Variants in PANX1 observed in about 807,000 individuals in gnomAD.
The protein encoded by PANX1 is pannexin 1.
In PANX1, 30 loss-of-function variants were observed where a neutral mutation model predicts 38.7. The observed-to-expected ratio is 0.78, with a 90% confidence interval of 0.58 to 1.05. The LOEUF is 1.05. PANX1 is among the 50% of genes least tolerant of loss of function. PANX1 has a pLI of 0.00. For missense variants in PANX1, 551 were observed against 517.2 expected (o/e 1.07, Z -0.63); for synonymous variants, 230 against 212.2 (o/e 1.08, Z -0.73).
intron 2 of PANX1, among the ~76,000 whole-genome samples, chr11:94,164,085 T>C (rs2093035859): frequency 6.6e-6 from 1 of 152,058 alleles, no homozygotes; most frequent in African/African-American, 2.4e-5. Context: ...TGTCTCCTTT[T>C]TTGTCTCTAA....
intron 1 of PANX1, among the ~76,000 whole-genome samples, chr11:94,148,093 T>C (rs564005736): frequency 3.6e-4 from 55 of 152,332 alleles, no homozygotes; most frequent in South Asian, 2.9e-3. Context: ...TTCCATTTTT[T>C]AGTTTGGGCT....
rs187308377 is a variant in PANX1 at position 94,180,840 on chromosome 11, C to T, written c.1252C>T (p.Arg418Ter). 18 of 1,592,366 alleles carry T rather than the reference C, an allele frequency of 1.1e-5. No homozygotes were observed. The highest frequency in any genetic ancestry group is 1.1e-4 in the African/African-American group (8 of 74,596). The change falls in exon 5 of 5, where the codon CGA (arginine) becomes TGA (stop). Residue 418 changes from arginine (R) to a stop codon, truncating the protein, a stop_gained. Transcript: ENST00000227638. LOFTEE classifies it high-confidence loss of function. ...AGCAAATAATGGAGAGAAGAATGCC[C>T]GACAGAGACTTCTGGATTCTTCTTG... ...TKANNGEKNA[R>*]QRLLDSSC
rs146751433 is a variant in PANX1 at position 94,171,551 on chromosome 11, G to A, written c.322-6818G>A. Among the ~76,000 whole-genome samples, 74 of 151,724 alleles carry A rather than the reference G, an allele frequency of 4.9e-4. 1 individual carries two copies. Among genetic ancestry groups the A allele is most frequent in the African/African-American group, 1.7e-3 (70 of 41,026 alleles). On this transcript the variant is annotated intron_variant, in intron 2 of 4. Transcript: ENST00000227638. ...TAGTTGTGTGTCCTGTTCAGAACCA[G>A]ACTTGGTTCTCCAGGAGCATCCTGA...
Position 94,179,638 on chromosome 11 carries a change from A to C in PANX1, c.582A>C (p.Pro194=). The C allele has an allele frequency of 6.2e-7, 1 of 1,613,626 alleles. No individual in the cohort carries two copies. Among genetic ancestry groups the C allele is most frequent in the Middle Eastern group, 1.7e-4 (1 of 6,056 alleles). Residue 194 remains proline (P), a synonymous_variant, in exon 4 of 5, where the codon CCA becomes CCC. Transcript: ENST00000227638. ...TATCTGAAAGCCACTTCAAGTACCC[A>C]ATTGTGGAGCAGTACTTGAAGACAA... ...WEVSESHFKY[P]IVEQYLKTKK... is the part of the protein sequence containing the mutation.
chr11:94,180,847 G>C lies in PANX1; in HGVS notation c.1259G>C (p.Arg420Thr). Residue 420 changes from arginine to threonine, a missense_variant, in exon 5 of 5, where the codon AGA becomes ACA. By Grantham distance (71) the Arg-to-Thr change is moderately conservative (BLOSUM62 -1). Coordinates refer to ENST00000227638, the MANE Select transcript of PANX1 (RefSeq NM_015368.4). ...ANNGEKNARQRLLDSSC is the reference protein window; with the variant it reads ...ANNGEKNARQTLLDSSC ...AATGGAGAGAAGAATGCCCGACAGA[G>C]ACTTCTGGATTCTTCTTGCTGATGA... 6.3e-7 allele frequency: 1 copy of C among 1,588,686 alleles called. No homozygotes were observed. Among genetic ancestry groups the C allele is most frequent in the South Asian group, 1.1e-5 (1 of 90,538 alleles).
intron 2 of PANX1, among the ~76,000 whole-genome samples, chr11:94,177,532 A>G (rs1452561535): frequency 6.6e-6 from 1 of 152,184 alleles, no homozygotes; most frequent in Non-Finnish European, 1.5e-5. Flanking sequence ...CAAGGCCGCA[A>G]TGCTGAGCTT....
At chr11:94,146,729 C>CAAATGACA (rs1192167802) in intron 1 of PANX1, among the ~76,000 whole-genome samples, 1 of 152,140 alleles carries the variant, frequency 6.6e-6, no homozygotes, top group Non-Finnish European at 1.5e-5. Flanking sequence ...ATTAGGGTCG[C>CAAATGACA]AAATGACAGA....
chr11:94,170,075 A>G (rs947215384), intron 2 of PANX1, among the ~76,000 whole-genome samples: 2 of 151,726 alleles, frequency 1.3e-5, no homozygotes, highest in Non-Finnish European at 2.9e-5. Context: ...ATAACATAAA[A>G]TTTACCTTTC....
chr11:94,170,143 C>T (rs1057432337), intron 2 of PANX1, among the ~76,000 whole-genome samples: 3 of 151,680 alleles, frequency 2.0e-5, no homozygotes, highest in Admixed American at 6.6e-5. Context: ...GCGAAACCAT[C>T]GCCATTACCC....
chr11:94,158,442 TCTC>T (rs1364202543), intron 2 of PANX1, among the ~76,000 whole-genome samples: 5 of 152,250 alleles, frequency 3.3e-5, no homozygotes, highest in African/African-American at 9.6e-5. Context: ...GGTTTGTAGT[TCTC>T]CTTGAAGAGG....
intron 2 of PANX1, among the ~76,000 whole-genome samples, chr11:94,161,335 C>T (rs956539388): frequency 1.3e-5 from 2 of 152,210 alleles, no homozygotes; most frequent in African/African-American, 4.8e-5. Flanking sequence ...TACTTGGTTC[C>T]ATTCTCCCTG....
intron 2 of PANX1, among the ~76,000 whole-genome samples, chr11:94,159,215 TTTG>T (rs1946990894): frequency 6.6e-6 from 1 of 152,016 alleles, no homozygotes; most frequent in Non-Finnish European, 1.5e-5. Context: ...GTTCTTTTTT[TTTG>T]TTGTTGTGTC....
chr11:94,134,639 C>G (rs771018947), intron 1 of PANX1, among the ~76,000 whole-genome samples: 2 of 138,410 alleles, frequency 1.4e-5, no homozygotes, highest in African/African-American at 2.6e-5. Flanking sequence ...TTTCTCTCCC[C>G]CCTCCCTCTT....
chr11:94,166,461 T>C (rs1166209331), intron 2 of PANX1, among the ~76,000 whole-genome samples: 3 of 152,210 alleles, frequency 2.0e-5, no homozygotes, highest in Non-Finnish European at 4.4e-5. Flanking sequence ...TTTCCTTTAG[T>C]GCTTTGAATA....
rs757825397 is a variant in PANX1 at position 94,166,776 on chromosome 11, C to G, written c.322-11593C>G. On this transcript the variant is annotated intron_variant, in intron 2 of 4. Coordinates refer to ENST00000227638, the MANE Select transcript of PANX1 (RefSeq NM_015368.4). Reference sequence around the variant, plus strand: ...AAGACAGTATCCTCTGTACTCTTTCCTCTCCTTTGCCCAAGTTGAAAGATC... The same window carrying G: ...AAGACAGTATCCTCTGTACTCTTTCGTCTCCTTTGCCCAAGTTGAAAGATC... Among the ~76,000 whole-genome samples, 6 of 152,140 alleles carry G rather than the reference C, an allele frequency of 3.9e-5. No individual in the cohort carries two copies. In the South Asian group the frequency reaches 1.2e-3, roughly 31 times the overall value.
At chr11:94,159,092 T>A (rs11825907) in intron 2 of PANX1, among the ~76,000 whole-genome samples, 8,453 of 152,160 alleles carry the variant, frequency 0.056, 800 homozygotes, top group African/African-American at 0.19. Flanking sequence ...CATCCCAGGG[T>A]TGAAGCCCAC....
At chr11:94,168,228 G>A (rs906227142) in intron 2 of PANX1, among the ~76,000 whole-genome samples, 1 of 152,146 alleles carries the variant, frequency 6.6e-6, no homozygotes, top group Non-Finnish European at 1.5e-5. Context: ...TGGGAGGGTG[G>A]GAAGCACTTT....
intron 2 of PANX1, among the ~76,000 whole-genome samples, chr11:94,170,245 C>G (rs1438957385): frequency 6.6e-6 from 1 of 151,632 alleles, no homozygotes; most frequent in African/African-American, 2.4e-5. Context: ...CTGGCAACCT[C>G]CATTCTGTTT....
At chr11:94,156,868 C>T (rs1946954536) in intron 2 of PANX1, among the ~76,000 whole-genome samples, 1 of 151,530 alleles carries the variant, frequency 6.6e-6, no homozygotes, top group African/African-American at 2.4e-5. Context: ...TAATGCTATC[C>T]CTCCCCACTC....
Sources: allele counts gnomAD v4.1 joint callset (sites outside exome capture counted in the v4.1 genomes callset), GRCh38; gene constraint gnomAD v4.1.1; transcripts MANE v1.5; gene names NCBI Gene and HGNC (gene_info 2026-07-23, HGNC 2026-07-21).